The following ST8SIA4 variants were observed in gnomAD, a reference collection of about 807,000 sequenced individuals.
ST8SIA4 encodes the protein ST8 alpha-N-acetyl-neuraminide alpha-2,8-sialyltransferase 4, also known as CMP-N-acetylneuraminate-poly-alpha-2,8-sialyltransferase.
A neutral mutation model predicts 33.9 loss-of-function variants in ST8SIA4; 15 were observed. The observed-to-expected ratio is 0.44, with a 90% CI of 0.30 to 0.68. The LOEUF is 0.68. Ranked by LOEUF, ST8SIA4 falls within the 30% of genes least tolerant of loss-of-function variation. The pLI is 0.10. For synonymous variants in ST8SIA4, 171 were observed against 151.2 expected (o/e 1.13, Z -0.96); for missense variants, 321 against 428.0 (o/e 0.75, Z 2.21).
At chr5:100,892,845 T>A (rs1330446893) in intron 2 of ST8SIA4, among the ~76,000 whole-genome samples, 1 of 151,786 alleles carries the variant, frequency 6.6e-6, no homozygotes, top group South Asian at 2.1e-4. Context: ...CGGGAGGTGA[T>A]GGACAAGGGG....
chr5:100,841,698 C>T (rs1751474771), intron 4 of ST8SIA4, among the ~76,000 whole-genome samples: 1 of 151,850 alleles, frequency 6.6e-6, no homozygotes, highest in East Asian at 1.9e-4. Flanking sequence ...CCTAGACACC[C>T]TCCACTGGTA....
intron 4 of ST8SIA4, among the ~76,000 whole-genome samples, chr5:100,824,829 G>A (rs1751104786): frequency 6.6e-6 from 1 of 151,348 alleles, no homozygotes; most frequent in African/African-American, 2.4e-5. Context: ...GGGAGGTTGA[G>A]GTGGGAGGGT....
chr5:100,895,445 C>T (rs530223502), intron 2 of ST8SIA4, among the ~76,000 whole-genome samples: 191 of 152,174 alleles, frequency 1.3e-3, no homozygotes, highest in African/African-American at 4.4e-3. Context: ...TCAAAACTCA[C>T]ATATTCATCC....
chr5:100,855,632 G>A (rs183472143), intron 4 of ST8SIA4, among the ~76,000 whole-genome samples: 65 of 152,248 alleles, frequency 4.3e-4, no homozygotes, highest in Non-Finnish European at 8.4e-4. Flanking sequence ...TGTGACTTTG[G>A]GGGGAAGCAT....
chr5:100,878,332 C>T (rs1580477823), intron 3 of ST8SIA4, among the ~76,000 whole-genome samples: 2 of 152,040 alleles, frequency 1.3e-5, no homozygotes, highest in East Asian at 3.9e-4. Flanking sequence ...CATGCACCAC[C>T]AGGCCTGGCT....
Position 100,811,978 on chromosome 5 carries a change from A to G in ST8SIA4, c.949T>C (p.Tyr317His). 6.2e-7 allele frequency: 1 copy of G among 1,614,160 alleles called. No homozygotes were observed. The highest frequency in any genetic ancestry group is 8.5e-7 in the Non-Finnish European group (1 of 1,180,012). The change falls in exon 5 of 5, where the codon TAT becomes CAT. Residue 317 changes from tyrosine (Y) to histidine (H), a missense_variant. Tyr to His is a moderately conservative substitution (Grantham distance 83). Coordinates refer to ENST00000231461, the MANE Select transcript of ST8SIA4 (RefSeq NM_005668.6). ...LNGKAVKYHY[Y>H]DDLKYRYFSN... Reference sequence around the variant, plus strand: ...AAGTACCTATATTTTAAGTCATCATAATAATGATATTTGACCGCTTTTCCA... The same window carrying G: ...AAGTACCTATATTTTAAGTCATCATGATAATGATATTTGACCGCTTTTCCA...
chr5:100,854,797 G>C (rs17780854), intron 4 of ST8SIA4, among the ~76,000 whole-genome samples: 2,557 of 152,136 alleles, frequency 0.017, 29 homozygotes, highest in Admixed American at 0.026. Context: ...TTGGAAACCT[G>C]TTTTTTTCAG....
chr5:100,875,125 G>A (rs144891152), intron 3 of ST8SIA4, among the ~76,000 whole-genome samples: 9 of 152,266 alleles, frequency 5.9e-5, no homozygotes, highest in Non-Finnish European at 1.5e-5. Flanking sequence ...TGAACTGTAT[G>A]TAAAGTCTAA....
chr5:100,837,791 C>A (rs1449319420), intron 4 of ST8SIA4, among the ~76,000 whole-genome samples: 1 of 142,712 alleles, frequency 7.0e-6, no homozygotes, highest in Admixed American at 7.0e-5. Context: ...ATGTGGCCTA[C>A]TTTTTTGCAA....
chr5:100,886,272 T>C, intron 3 of ST8SIA4, 71 bp downstream of exon 3: 1 of 1,551,468 alleles, frequency 6.4e-7, no homozygotes, highest in Non-Finnish European at 8.7e-7. Context: ...TAAAATTTTC[T>C]AACAGTTTTC....
intron 4 of ST8SIA4, among the ~76,000 whole-genome samples, chr5:100,813,775 A>G (rs1580445220): frequency 6.6e-6 from 1 of 152,004 alleles, no homozygotes; most frequent in Non-Finnish European, 1.5e-5. Context: ...AGTATTGTGA[A>G]TATGTATGGT....
intron 3 of ST8SIA4, among the ~76,000 whole-genome samples, chr5:100,879,199 A>C (rs1752367867): frequency 6.6e-6 from 1 of 152,154 alleles, no homozygotes; most frequent in Non-Finnish European, 1.5e-5. Flanking sequence ...GTTCTTATTA[A>C]GTAATCTTTT....
chr5:100,815,206 G>A lies in ST8SIA4; in HGVS notation c.798-3077C>T, dbSNP rs572047665. Among the ~76,000 whole-genome samples the A allele has an allele frequency of 7.0e-4, 106 of 151,608 alleles. 1 individual carries two copies. The highest frequency in any genetic ancestry group is 2.5e-3 in the African/African-American group (105 of 41,396). ...ACCAAATCCATGTAAGCTCCTTGTA[G>A]AAAATTTGAAGGAAAAAAAATCTAA... On this transcript the variant is annotated intron_variant, in intron 4 of 4. Transcript: ENST00000231461.
chr5:100,832,076 A>G (rs1370401399), intron 4 of ST8SIA4, among the ~76,000 whole-genome samples: 1 of 152,214 alleles, frequency 6.6e-6, no homozygotes, highest in Non-Finnish European at 1.5e-5. Flanking sequence ...ATCTTTCTCT[A>G]CATAGATACT....
At chr5:100,883,168 G>C (rs1752463845) in intron 3 of ST8SIA4, among the ~76,000 whole-genome samples, 1 of 152,218 alleles carries the variant, frequency 6.6e-6, no homozygotes, top group Non-Finnish European at 1.5e-5. Flanking sequence ...CAAAGCCACA[G>C]AGGCGGAGCT....
intron 4 of ST8SIA4, among the ~76,000 whole-genome samples, chr5:100,838,925 A>G (rs1751416802): frequency 6.6e-6 from 1 of 152,048 alleles, no homozygotes; most frequent in Admixed American, 6.6e-5. Flanking sequence ...TGACATCCAC[A>G]TTATAAACTT....
At chr5:100,828,635 G>A (rs1331076611) in intron 4 of ST8SIA4, among the ~76,000 whole-genome samples, 1 of 152,136 alleles carries the variant, frequency 6.6e-6, no homozygotes, top group African/African-American at 2.4e-5. Context: ...CATCTCTAGG[G>A]CTATTTCCCT....
At chr5:100,884,853 T>G (rs1158067454) in intron 3 of ST8SIA4, among the ~76,000 whole-genome samples, 1 of 152,168 alleles carries the variant, frequency 6.6e-6, no homozygotes, top group African/African-American at 2.4e-5. Context: ...TGGGGCTAAA[T>G]CTAACAACTT....
chr5:100,885,150 A>G (rs1469929832), intron 3 of ST8SIA4, among the ~76,000 whole-genome samples: 1 of 151,984 alleles, frequency 6.6e-6, no homozygotes, highest in African/African-American at 2.4e-5. Context: ...CCCTCATCAA[A>G]TTTTTTACAT....
Sources: gnomAD v4.1 joint callset for allele counts (sites outside exome capture counted in the v4.1 genomes callset) on GRCh38, gnomAD v4.1.1 for gene constraint, MANE v1.5 for transcripts, NCBI Gene and HGNC (gene_info 2026-07-23, HGNC 2026-07-21) for gene names.